The following MCHR2 variants were observed in gnomAD, a reference collection of about 807,000 sequenced individuals.
MCHR2 encodes melanin-concentrating hormone receptor 2.
Under a neutral mutation model 24.8 loss-of-function variants are expected in MCHR2, and 15 were observed. The observed-to-expected ratio is 0.60, with a 90% CI of 0.40 to 0.93. The LOEUF (loss-of-function observed/expected upper bound fraction) is 0.93, where lower values mean the gene tolerates loss of function less well. MCHR2 is among the 40% of genes least tolerant of loss of function. The probability of loss-of-function intolerance (pLI) is 0.00; values close to 1 mark genes in which losing one functional copy is unlikely to be tolerated. For synonymous variants in MCHR2, 151 were observed against 147.6 expected, an observed-to-expected ratio of 1.02 and a Z score of -0.17; for missense variants, 386 against 408.7, an observed-to-expected ratio of 0.94 and a Z score of 0.48.
chr6:99,951,680 A>G (rs1934153203), intron 2 of MCHR2, among the ~76,000 whole-genome samples: 1 of 152,090 alleles, frequency 6.6e-6, no homozygotes, highest in African/African-American at 2.4e-5. Flanking sequence ...GAGTCTGTGT[A>G]TGGCTGACAC....
chr6:99,989,202 A>T (rs555202837), intron 1 of MCHR2, among the ~76,000 whole-genome samples: 23 of 152,274 alleles, frequency 1.5e-4, no homozygotes, highest in African/African-American at 5.3e-4. Context: ...CAATGTGCTA[A>T]GACTGTGTAA....
chr6:99,967,185 T>C (rs1195933755), intron 1 of MCHR2, among the ~76,000 whole-genome samples: 1 of 151,950 alleles, frequency 6.6e-6, no homozygotes, highest in Non-Finnish European at 1.5e-5. Context: ...AATTTATGCT[T>C]GTGAGGTTGG....
At chr6:99,934,851 A>G (rs182581806) in intron 4 of MCHR2, among the ~76,000 whole-genome samples, 78 of 152,170 alleles carry the variant, frequency 5.1e-4, no homozygotes, top group African/African-American at 1.9e-3. Flanking sequence ...CACTGTTCTA[A>G]GCATTTTGTA....
rs755178258 is a variant in MCHR2, at chr6:99,921,328, C to A, written c.708-73G>T. The A allele has an allele frequency of 2.6e-5, 36 of 1,387,062 alleles. No homozygotes were observed. The South Asian group carries it at 3.0e-4, about 11-fold the overall frequency. The allele number at this position is 1,387,062 out of a possible 1,614,324, so 85.9% of individuals were successfully genotyped here. A position where few individuals can be genotyped will look rare whatever the true frequency, so the allele number is the denominator to read the frequency against. ...TTATGGGGCAATGTGTTCCTAGAAC[C>A]TTTTGGACAGTTCATAATGGCTTTG... On this transcript the variant is annotated intron_variant, in intron 5 of 5. Transcript: ENST00000281806.
chr6:99,932,982 C>G (rs1470032830), intron 5 of MCHR2, among the ~76,000 whole-genome samples: 1 of 152,132 alleles, frequency 6.6e-6, no homozygotes, highest in Non-Finnish European at 1.5e-5. Context: ...TGGGAACCCT[C>G]TGTACTGTCT....
intron 3 of MCHR2, among the ~76,000 whole-genome samples, chr6:99,944,839 T>C (rs1774845084): frequency 6.6e-6 from 1 of 152,178 alleles, no homozygotes; most frequent in South Asian, 2.1e-4. Flanking sequence ...CACAGGTCTT[T>C]TTTCCCACCT....
intron 1 of MCHR2, among the ~76,000 whole-genome samples, chr6:99,973,055 G>A (rs979290586): frequency 3.6e-4 from 55 of 152,202 alleles, no homozygotes; most frequent in Non-Finnish European, 7.2e-4. Context: ...TTGGGGTGGA[G>A]AGTTCTGTAG....
At chr6:99,942,837 G>T in intron 4 of MCHR2, 112 bp downstream of exon 4, 2 of 800,496 alleles carry the variant, frequency 2.5e-6, no homozygotes, top group Non-Finnish European at 1.9e-6. Context: ...GGAGATACTG[G>T]CGAGAAGAGG....
chr6:99,932,787 A>G (rs1023536700), intron 5 of MCHR2, among the ~76,000 whole-genome samples: 6 of 152,184 alleles, frequency 3.9e-5, no homozygotes, highest in African/African-American at 1.2e-4. Context: ...AAGACATGAT[A>G]ACTAAATCCA....
Position 99,918,632 on chromosome 6 carries a change from G to C in MCHR2, c.*2308C>G, listed in dbSNP as rs1003967803. ...ATTTGACTGAGTGACAAATACCCAA[G>C]TATCATTATTAACTTCATTTGAAAG... On this transcript the variant is annotated 3_prime_UTR_variant, in exon 6 of 6. Transcript: ENST00000281806. Among the ~76,000 whole-genome samples, 1 of 152,096 alleles carries C rather than the reference G, an allele frequency of 6.6e-6. No individual in the cohort carries two copies. The highest frequency in any genetic ancestry group is 1.9e-4 in the East Asian group (1 of 5,196).
chr6:99,930,601 C>T (rs1175492222), intron 5 of MCHR2, among the ~76,000 whole-genome samples: 2 of 152,054 alleles, frequency 1.3e-5, no homozygotes, highest in Non-Finnish European at 2.9e-5. Context: ...TCTTCTGTCA[C>T]TGATACCCTT....
In MCHR2 at chr6:99,950,729, A is replaced by T. The variant is rs142813107; in HGVS notation, c.183-2758T>A. On this transcript the variant is annotated intron_variant, in intron 2 of 5. Transcript: ENST00000281806. Reference sequence around the variant, plus strand: ...AATATGTCAAGTGATCACAGTGATCATCTATTTGGTAGTAGTATGACTGAT... The same window carrying T: ...AATATGTCAAGTGATCACAGTGATCTTCTATTTGGTAGTAGTATGACTGAT... 5.3e-3 allele frequency among the ~76,000 whole-genome samples: 807 copies of T among 152,296 alleles called. 7 individuals are homozygous for T. The highest frequency in any genetic ancestry group is 0.019 in the African/African-American group (780 of 41,574).
At chr6:99,992,980 A>G (rs1420068641) in intron 1 of MCHR2, among the ~76,000 whole-genome samples, 1 of 152,152 alleles carries the variant, frequency 6.6e-6, no homozygotes, top group Non-Finnish European at 1.5e-5. Flanking sequence ...AAAATGCATT[A>G]TTAAGAAGTC....
intron 2 of MCHR2, among the ~76,000 whole-genome samples, chr6:99,951,391 A>G (rs1004152397): frequency 6.6e-6 from 1 of 152,152 alleles, no homozygotes; most frequent in Non-Finnish European, 1.5e-5. Context: ...GATGACTGCT[A>G]AGGGTGAGAG....
At position 99,920,883 on chromosome 6, in the gene MCHR2, G is replaced by A. The variant is rs4839764; in HGVS notation, c.*57C>T. 1 allele frequency: 1,536,983 copies of A among 1,540,888 alleles called. 766,616 individuals are homozygous for A. Among genetic ancestry groups the A allele is most frequent in the East Asian group, 1 (44,314 of 44,314 alleles). Reference sequence around the variant, plus strand: ...ACATATCGGTACACCTGCCCTTTCTGATAATACCAGTAAGATAGACAATCA... The same window carrying A: ...ACATATCGGTACACCTGCCCTTTCTAATAATACCAGTAAGATAGACAATCA... On this transcript the variant is annotated 3_prime_UTR_variant, in exon 6 of 6. Transcript: ENST00000281806.
rs543289794 is a variant in MCHR2 at position 99,982,073 on chromosome 6, A to C, written c.-28+11863T>G. Among the ~76,000 whole-genome samples the C allele has an allele frequency of 9.8e-3, 1,486 of 151,306 alleles. 28 individuals are homozygous for C. The highest frequency in any genetic ancestry group is 0.034 in the African/African-American group (1,395 of 41,158). ...AGATACTGATTTCACATCTCCCTAAACCCCCCGCTCCCTACCTGTCTCTGT... is the reference window on the plus strand; with the variant it reads ...AGATACTGATTTCACATCTCCCTAACCCCCCCGCTCCCTACCTGTCTCTGT... On this transcript the variant is annotated intron_variant, in intron 1 of 5. Transcript: ENST00000281806.
At chr6:99,927,282 T>G (rs1294021486) in intron 5 of MCHR2, among the ~76,000 whole-genome samples, 1 of 152,220 alleles carries the variant, frequency 6.6e-6, no homozygotes, top group African/African-American at 2.4e-5. Flanking sequence ...TGCCTCCAGC[T>G]TTGTTCTTTT....
At position 99,947,846 on chromosome 6, in the gene MCHR2, C is replaced by T. The variant is rs201461557; in HGVS notation, c.308G>A (p.Gly103Glu). The change falls in exon 3 of 6, where the codon GGG becomes GAG. Residue 103 changes from glycine to glutamate, a missense_variant. By Grantham distance (98) the Gly-to-Glu change is moderately conservative. Coordinates refer to ENST00000281806, the MANE Select transcript of MCHR2 (RefSeq NM_001040179.2). ...WARGGEWVFGGPLCTIITSLD... is the reference protein window; with the variant it reads ...WARGGEWVFGEPLCTIITSLD... Reference sequence around the variant, plus strand: ...GGATGTGATGATGGTGCAGAGAGGCCCCCCAAACACCCACTCTCCCCCTCG... The same window carrying T: ...GGATGTGATGATGGTGCAGAGAGGCTCCCCAAACACCCACTCTCCCCCTCG... 5.0e-6 allele frequency: 8 copies of T among 1,613,504 alleles called. No individual in the cohort carries two copies. Among genetic ancestry groups the T allele is most frequent in the African/African-American group, 1.3e-5 (1 of 74,852 alleles).
chr6:99,986,423 G>T (rs1435467914), intron 1 of MCHR2, among the ~76,000 whole-genome samples: 4 of 152,136 alleles, frequency 2.6e-5, no homozygotes, highest in Non-Finnish European at 5.9e-5. Context: ...CAACCTAAGT[G>T]TCCATCAACT....
Sources: gnomAD v4.1 joint callset for allele counts (sites outside exome capture counted in the v4.1 genomes callset) on GRCh38, gnomAD v4.1.1 for gene constraint, MANE v1.5 for transcripts, NCBI Gene and HGNC (gene_info 2026-07-23, HGNC 2026-07-21) for gene names.